The following ADCY1 variants were observed in gnomAD, a reference collection of about 807,000 sequenced individuals.
ADCY1 encodes adenylate cyclase type 1.
A neutral mutation model predicts 105.4 loss-of-function variants in ADCY1; 28 were observed. That is an observed-to-expected ratio of 0.27 (90% CI 0.20 to 0.36). The LOEUF (loss-of-function observed/expected upper bound fraction) is 0.36, where lower values mean the gene tolerates loss of function less well. Among genes scored for constraint, ADCY1 ranks in the 10% least tolerant of loss-of-function variants. The pLI is 1.00. For missense variants in ADCY1, 977 were observed against 1,434.2 expected (o/e 0.68, Z 5.15); for synonymous variants, 655 against 623.8 (o/e 1.05, Z -0.75).
chr7:45,691,798 TG>T (rs1391185809), intron 14 of ADCY1, among the ~76,000 whole-genome samples: 2 of 152,248 alleles, frequency 1.3e-5, no homozygotes, highest in African/African-American at 4.8e-5. Flanking sequence ...GATGTGGTCA[TG>T]GCATAGACAT....
chr7:45,704,876 G>C (rs1204794211), intron 17 of ADCY1, among the ~76,000 whole-genome samples: 2 of 151,178 alleles, frequency 1.3e-5, no homozygotes, highest in African/African-American at 4.9e-5. Flanking sequence ...CCCTCACCCT[G>C]CCCCTGCTCC....
rs975474475 is a variant in ADCY1, at chr7:45,708,009, A to G, written c.2818-341A>G. ...GGAAATTGCCTACTCCCTGGCATGC[A>G]TCTCTGTCCTTGTTTTGCTCATTTG... On this transcript the variant is annotated intron_variant, in intron 17 of 19. Transcript: ENST00000297323. This position sits in a 1 kb window ranked among gnomAD's most constrained non-coding sequence, Gnocchi z 4.7. 1.3e-5 allele frequency among the ~76,000 whole-genome samples: 2 copies of G among 152,180 alleles called. No individual in the cohort carries two copies. The highest frequency in any genetic ancestry group is 4.8e-5 in the African/African-American group (2 of 41,444).
At chr7:45,660,866 G>A (rs1404400861) in intron 7 of ADCY1, among the ~76,000 whole-genome samples, 1 of 151,286 alleles carries the variant, frequency 6.6e-6, no homozygotes, top group African/African-American at 2.4e-5. Context: ...CTCAGGTGAG[G>A]GGTTCAGGGC....
chr7:45,585,980 A>G (rs1468980733), intron 1 of ADCY1, among the ~76,000 whole-genome samples: 4 of 152,018 alleles, frequency 2.6e-5, no homozygotes, highest in Non-Finnish European at 4.4e-5. Flanking sequence ...CTGGGCAGGG[A>G]TGTGTTGAGA....
chr7:45,705,758 C>G (rs1391123988), intron 17 of ADCY1, among the ~76,000 whole-genome samples: 2 of 152,156 alleles, frequency 1.3e-5, no homozygotes, highest in Non-Finnish European at 2.9e-5. Context: ...GAGAAGGAAT[C>G]TGCTTGCAGA....
At chr7:45,696,369 G>A (rs2116238811) in intron 14 of ADCY1, among the ~76,000 whole-genome samples, 1 of 150,442 alleles carries the variant, frequency 6.6e-6, no homozygotes, top group East Asian at 1.9e-4. Context: ...AACCTGGGAG[G>A]CGGAGCTTGC....
chr7:45,667,272 G>T (rs1456994959), intron 8 of ADCY1, among the ~76,000 whole-genome samples: 12 of 152,266 alleles, frequency 7.9e-5, no homozygotes, highest in Non-Finnish European at 1.6e-4. Context: ...GTCTAACATT[G>T]AAGTCTTTAA....
rs1337846210 is a variant in ADCY1 at position 45,710,810 on chromosome 7, G to A, written c.3057+158G>A. Reference sequence around the variant, plus strand: ...GTCTGTCTGCTCTGGAGGGCATCCTGGCCCGGGCATCTTGATTTTGCTGTT... The same window carrying A: ...GTCTGTCTGCTCTGGAGGGCATCCTAGCCCGGGCATCTTGATTTTGCTGTT... On this transcript the variant is annotated intron_variant, in intron 19 of 19. Transcript: ENST00000297323. The surrounding 1 kb of genome is among the most constrained non-coding windows in gnomAD (Gnocchi z 4.7). Among the ~76,000 whole-genome samples, 1 of 152,198 alleles carries A rather than the reference G, an allele frequency of 6.6e-6. No individual in the cohort carries two copies. The highest frequency in any genetic ancestry group is 2.4e-5 in the African/African-American group (1 of 41,444).
intron 17 of ADCY1, among the ~76,000 whole-genome samples, chr7:45,705,062 G>T (rs1039596047): frequency 3.3e-5 from 5 of 151,880 alleles, no homozygotes; most frequent in African/African-American, 1.2e-4. Context: ...ATTTATTAAA[G>T]AAGTTGAATC....
chr7:45,657,019 G>T (rs1794959947), intron 5 of ADCY1, among the ~76,000 whole-genome samples: 1 of 152,232 alleles, frequency 6.6e-6, no homozygotes. Flanking sequence ...CGGCCAGGCT[G>T]GCCTGGGGTT....
chr7:45,589,977 A>G (rs969133385), intron 1 of ADCY1, among the ~76,000 whole-genome samples: 7 of 152,130 alleles, frequency 4.6e-5, no homozygotes, highest in African/African-American at 1.4e-4. Flanking sequence ...GACAGATTGT[A>G]GTTAACAGAA....
chr7:45,620,367 C>T (rs1460242472), intron 3 of ADCY1, among the ~76,000 whole-genome samples: 3 of 151,194 alleles, frequency 2.0e-5, no homozygotes, highest in Admixed American at 1.3e-4. Flanking sequence ...CTTGATAGCT[C>T]GATTATCCAG....
At chr7:45,603,825 C>CT (rs993942579) in intron 2 of ADCY1, among the ~76,000 whole-genome samples, 9 of 152,014 alleles carry the variant, frequency 5.9e-5, no homozygotes, top group African/African-American at 9.6e-5. Context: ...TTGGGATTGG[C>CT]TTTTTTTTCA....
chr7:45,633,073 A>G (rs1794302652), intron 4 of ADCY1, among the ~76,000 whole-genome samples: 1 of 151,960 alleles, frequency 6.6e-6, no homozygotes, highest in Non-Finnish European at 1.5e-5. Flanking sequence ...ACACACCACC[A>G]TGCCTGGCTA....
intron 1 of ADCY1, among the ~76,000 whole-genome samples, chr7:45,580,942 G>A (rs766219065): frequency 1.3e-5 from 2 of 152,156 alleles, no homozygotes; most frequent in Admixed American, 6.5e-5. Context: ...TCCCTCTCCT[G>A]TCACATCTCT....
intron 4 of ADCY1, among the ~76,000 whole-genome samples, chr7:45,631,018 A>G (rs1197256257): frequency 6.6e-6 from 1 of 152,172 alleles, no homozygotes; most frequent in African/African-American, 2.4e-5. Flanking sequence ...GGTTAGTGAG[A>G]AGTAAAATAA....
chr7:45,700,815 T>G (rs1426583406), intron 14 of ADCY1, among the ~76,000 whole-genome samples: 1 of 152,212 alleles, frequency 6.6e-6, no homozygotes, highest in African/African-American at 2.4e-5. Context: ...CTGTGGTTAC[T>G]GGTCTTGTTA....
At chr7:45,610,806 G>T (rs1184032892) in intron 3 of ADCY1, among the ~76,000 whole-genome samples, 2 of 151,938 alleles carry the variant, frequency 1.3e-5, no homozygotes, top group Non-Finnish European at 2.9e-5. Flanking sequence ...GTGGGGAGGT[G>T]ATGGTGGAGG....
rs1785391796 is a variant in ADCY1 at position 45,718,086 on chromosome 7, C to T, written c.*4091C>T. 6.6e-6 allele frequency: 1 copy of T among 152,202 alleles called. No individual in the cohort carries two copies. The highest frequency in any genetic ancestry group is 1.5e-5 in the Non-Finnish European group (1 of 68,060). 9.4% of individuals were successfully genotyped at this position (152,202 alleles called of 1,614,324 possible). ...TGGGCTGCCCAGGCTGGTCAGAGCT[C>T]AGCACCCCAGGTCTGGTGAGCAGAC... is the stretch of plus-strand genomic sequence containing the variant. On this transcript the variant is annotated 3_prime_UTR_variant, in exon 20 of 20. Coordinates refer to ENST00000297323, the MANE Select transcript of ADCY1 (RefSeq NM_021116.4).
Sources: allele counts gnomAD v4.1 joint callset (sites outside exome capture counted in the v4.1 genomes callset), GRCh38; gene constraint gnomAD v4.1.1; non-coding constraint Gnocchi (gnomAD v3.1); transcripts MANE v1.5; gene names NCBI Gene and HGNC (gene_info 2026-07-23, HGNC 2026-07-21).